The following ASRGL1 variants were observed in gnomAD, a reference collection of about 807,000 sequenced individuals.
The protein encoded by ASRGL1 is isoaspartyl peptidase/L-asparaginase.
A neutral mutation model predicts 22.4 loss-of-function variants in ASRGL1; 16 were observed. The observed-to-expected ratio is 0.71, with a 90% CI of 0.48 to 1.08. The LOEUF is 1.08. ASRGL1 is among the 50% of genes least tolerant of loss of function. ASRGL1 has a pLI of 0.00. For missense variants in ASRGL1, 412 were observed against 410.1 expected (o/e 1.00, Z -0.04); for synonymous variants, 165 against 159.3 (o/e 1.04, Z -0.27).
intron 4 of ASRGL1, chr11:62,373,073 C>T (rs1590743221): frequency 2.1e-6 from 3 of 1,448,744 alleles, no homozygotes; most frequent in East Asian, 2.3e-5. Context: ...CAGAGCCGGT[C>T]GCCATGGGCT....
At chr11:62,363,018 A>C (rs1483318246) in intron 4 of ASRGL1, among the ~76,000 whole-genome samples, 2 of 132,694 alleles carry the variant, frequency 1.5e-5, no homozygotes, top group East Asian at 4.5e-4. Context: ...TCCAGGGTTC[A>C]CGCCATTCTC....
At chr11:62,391,409 T>C in intron 5 of ASRGL1, 113 bp from the exon 6 acceptor site, 1 of 1,419,226 alleles carries the variant, frequency 7.0e-7, no homozygotes, top group Non-Finnish European at 9.4e-7. Flanking sequence ...AACCTGACCT[T>C]TGTCGGTACT....
chr11:62,388,728 C>CT (rs1172176507), intron 4 of ASRGL1, among the ~76,000 whole-genome samples: 2 of 149,356 alleles, frequency 1.3e-5, no homozygotes, highest in African/African-American at 4.9e-5. Context: ...TACCAAGTCA[C>CT]TTTTTCCTTT....
downstream of ASRGL1, among the ~76,000 whole-genome samples, chr11:62,393,582 T>C (rs960416035): frequency 2.0e-5 from 3 of 152,076 alleles, no homozygotes; most frequent in African/African-American, 7.2e-5. Context: ...TTTTTCTGAG[T>C]GGGTCAAGGA....
chr11:62,362,090 G>A (rs958957090), intron 4 of ASRGL1, among the ~76,000 whole-genome samples: 26 of 152,218 alleles, frequency 1.7e-4, no homozygotes, highest in African/African-American at 6.0e-4. Context: ...AGCATACTAT[G>A]TGACATATAC....
chr11:62,349,403 G>A (rs1484379777), intron 2 of ASRGL1, among the ~76,000 whole-genome samples: 2 of 152,190 alleles, frequency 1.3e-5, no homozygotes, highest in Non-Finnish European at 2.9e-5. Flanking sequence ...AGGCAAGATG[G>A]GGTGGTATGT....
intron 5 of ASRGL1, 154 bp downstream of exon 5, chr11:62,389,405 A>C: frequency 1.3e-6 from 1 of 795,110 alleles, no homozygotes; most frequent in Non-Finnish European, 2.1e-6. Context: ...TGGGGTTGGA[A>C]GGGGTTGTTC....
intron 4 of ASRGL1, among the ~76,000 whole-genome samples, chr11:62,368,928 C>G (rs940560879): frequency 1.3e-5 from 2 of 152,076 alleles, no homozygotes; most frequent in Admixed American, 1.3e-4. Flanking sequence ...GTTTTACACC[C>G]GAGACATTCC....
At chr11:62,395,759 C>CTTTTTTTTTT (rs564952668), downstream of ASRGL1, among the ~76,000 whole-genome samples, 77 of 71,940 alleles carry the variant, frequency 1.1e-3, 7 homozygotes, top group Non-Finnish European at 1.5e-3. Flanking sequence ...GTAGCTGTTT[C>CTTTTTTTTTT]TTTTTTTTTT....
downstream of ASRGL1, among the ~76,000 whole-genome samples, chr11:62,395,845 C>G (rs1212784578): frequency 7.1e-6 from 1 of 141,098 alleles, no homozygotes; most frequent in Non-Finnish European, 1.5e-5. Flanking sequence ...GATCTCAGCT[C>G]ACTGCAACCT....
At position 62,347,345 on chromosome 11, in the gene ASRGL1, A is replaced by G. The variant is rs147869776; in HGVS notation, c.191-8980A>G. ...TTAAATCGTTGGCCATTGGTTATCA[A>G]CTAACCCTTCAGTCTCTCTCCCCTT... On this transcript the variant is annotated intron_variant, in intron 2 of 6. Coordinates refer to ENST00000415229, the MANE Select transcript of ASRGL1 (RefSeq NM_001083926.2). 4.4e-3 allele frequency among the ~76,000 whole-genome samples: 672 copies of G among 152,228 alleles called. 10 individuals are homozygous for G. The highest frequency in any genetic ancestry group is 0.016 in the African/African-American group (646 of 41,520).
intron 2 of ASRGL1, among the ~76,000 whole-genome samples, chr11:62,354,309 C>T (rs1415846284): frequency 6.6e-6 from 1 of 152,160 alleles, no homozygotes; most frequent in Non-Finnish European, 1.5e-5. Context: ...TATACAGTAG[C>T]CCTCCGTTAT....
chr11:62,355,424 A>T (rs1347628369), intron 2 of ASRGL1, among the ~76,000 whole-genome samples: 2 of 148,206 alleles, frequency 1.3e-5, no homozygotes, highest in African/African-American at 5.0e-5. Context: ...ACGGGGTTTC[A>T]CATGTTAGCC....
intron 4 of ASRGL1, among the ~76,000 whole-genome samples, chr11:62,358,378 A>AG (rs1946355041): frequency 6.6e-6 from 1 of 151,372 alleles, no homozygotes; most frequent in Admixed American, 6.6e-5. Context: ...TCAGAAAAAA[A>AG]AAAAAAAAAA....
intron 4 of ASRGL1, among the ~76,000 whole-genome samples, chr11:62,358,250 A>G (rs1241398564): frequency 6.6e-6 from 1 of 151,794 alleles, no homozygotes. Context: ...CGTGCCTGTA[A>G]TCCCAGCTAC....
chr11:62,391,414 G>A lies in ASRGL1; in HGVS notation c.611-108G>A, dbSNP rs2958531. 1.3e-5 allele frequency: 18 copies of A among 1,431,796 alleles called. 1 individual carries two copies. The African/African-American group carries it at 1.3e-4, about 10-fold the overall frequency. 88.7% of individuals were successfully genotyped at this position (1,431,796 alleles called of 1,614,324 possible). A position where few individuals can be genotyped will look rare whatever the true frequency, so the allele number is the denominator to read the frequency against. ...CATGGCTACTAACCTGACCTTTGTCGGTACTTGAGCACCCTTCGCGATTTA... is the reference window on the plus strand; with the variant it reads ...CATGGCTACTAACCTGACCTTTGTCAGTACTTGAGCACCCTTCGCGATTTA... On this transcript the variant is annotated intron_variant, in intron 5 of 6. Coordinates refer to ENST00000415229, the MANE Select transcript of ASRGL1 (RefSeq NM_001083926.2).
intron 4 of ASRGL1, chr11:62,372,608 C>T (rs1388846035): frequency 9.1e-6 from 8 of 876,088 alleles, no homozygotes; most frequent in Admixed American, 1.7e-5. Flanking sequence ...TTATGCGAGA[C>T]GTGGCCTGTG....
At chr11:62,368,913 A>G (rs558464756) in intron 4 of ASRGL1, among the ~76,000 whole-genome samples, 3 of 152,280 alleles carry the variant, frequency 2.0e-5, no homozygotes, top group Admixed American at 6.5e-5. Context: ...AGAACATACA[A>G]TCGGGTTTTA....
intron 1 of ASRGL1, 129 bp downstream of exon 1, chr11:62,337,703 CGGT>C (rs1945755326): frequency 2.7e-6 from 1 of 375,112 alleles, no homozygotes; most frequent in Admixed American, 4.6e-5. Context: ...AGGCGGGCGG[CGGT>C]GGGCGCGGGT....
Sources: gnomAD v4.1 joint callset for allele counts (sites outside exome capture counted in the v4.1 genomes callset) on GRCh38, gnomAD v4.1.1 for gene constraint, MANE v1.5 for transcripts, NCBI Gene and HGNC (gene_info 2026-07-23, HGNC 2026-07-21) for gene names.